SHC4: variants seen among roughly 807,000 people sequenced by gnomAD.
SHC4 encodes the protein SHC adaptor protein 4, also known as SHC-transforming protein 4.
In SHC4, 41 loss-of-function variants were observed where a neutral mutation model predicts 69.4. The observed-to-expected ratio is 0.59, with a 90% CI of 0.46 to 0.77. The LOEUF (loss-of-function observed/expected upper bound fraction) is 0.77, where lower values mean the gene tolerates loss of function less well. SHC4 is among the 30% of genes least tolerant of loss of function. The pLI is 0.00. For missense variants in SHC4, 777 were observed against 783.8 expected (o/e 0.99, Z 0.10); for synonymous variants, 318 against 299.3 (o/e 1.06, Z -0.64).
At chr15:48,938,919 G>A (rs932900877) in intron 1 of SHC4, among the ~76,000 whole-genome samples, 7 of 152,182 alleles carry the variant, frequency 4.6e-5, no homozygotes, top group African/African-American at 1.4e-4. Context: ...TACACGTACT[G>A]GCTGTGAAAC....
intron 1 of SHC4, among the ~76,000 whole-genome samples, chr15:48,949,337 C>A (rs1176283511): frequency 6.7e-6 from 1 of 150,370 alleles, no homozygotes; most frequent in Non-Finnish European, 1.5e-5. Context: ...TGCCACTGCA[C>A]TCCAGCCTGG....
chr15:48,876,601 C>A (rs1328492909), intron 4 of SHC4: 2 of 698,156 alleles, frequency 2.9e-6, no homozygotes, highest in Non-Finnish European at 5.2e-6. Context: ...AGAGGAGAGC[C>A]AGTCCGAGTT....
At chr15:48,892,121 T>A (rs1343678871) in intron 2 of SHC4, among the ~76,000 whole-genome samples, 3 of 152,076 alleles carry the variant, frequency 2.0e-5, no homozygotes, top group Admixed American at 6.5e-5. Context: ...TCCTAAAGTG[T>A]TGGGACTACA....
intron 2 of SHC4, among the ~76,000 whole-genome samples, chr15:48,907,125 A>G (rs1350584740): frequency 6.6e-6 from 1 of 152,162 alleles, no homozygotes; most frequent in Non-Finnish European, 1.5e-5. Context: ...TAATCAGAAA[A>G]GGAATGCAAA....
intron 1 of SHC4, chr15:48,938,217 G>A (rs1447855681): frequency 6.6e-6 from 1 of 152,182 alleles, no homozygotes; most frequent in Non-Finnish European, 1.5e-5. Flanking sequence ...AATAGCAATT[G>A]ACTACTCTCT....
intron 11 of SHC4, among the ~76,000 whole-genome samples, chr15:48,832,433 A>G (rs1261030500): frequency 1.3e-5 from 2 of 152,238 alleles, no homozygotes. Flanking sequence ...TCTCTGGCAC[A>G]TAATGAGTCT....
At chr15:48,923,427 G>T (rs1217431269) in intron 2 of SHC4, among the ~76,000 whole-genome samples, 1 of 151,672 alleles carries the variant, frequency 6.6e-6, no homozygotes, top group Middle Eastern at 3.4e-3. Context: ...GCGGGCACCT[G>T]TAGTCCCGGC....
At chr15:48,857,981 C>A (rs1402737833) in intron 6 of SHC4, among the ~76,000 whole-genome samples, 166 bp from the exon 7 acceptor site, 1 of 152,172 alleles carries the variant, frequency 6.6e-6, no homozygotes, top group South Asian at 2.1e-4. Context: ...TCACATTTCA[C>A]ATGAATCAAA....
At chr15:48,948,892 C>T (rs936075290) in intron 1 of SHC4, among the ~76,000 whole-genome samples, 2 of 152,096 alleles carry the variant, frequency 1.3e-5, no homozygotes, top group Non-Finnish European at 1.5e-5. Flanking sequence ...GGTGACAGAG[C>T]GAGACCTTGT....
chr15:48,942,589 G>C (rs952205525), intron 1 of SHC4, among the ~76,000 whole-genome samples: 4 of 151,856 alleles, frequency 2.6e-5, no homozygotes, highest in African/African-American at 9.7e-5. Flanking sequence ...TTAATTATTG[G>C]TTATTATTAT....
intron 11 of SHC4, among the ~76,000 whole-genome samples, chr15:48,832,636 T>C (rs762595813): frequency 3.3e-5 from 5 of 152,118 alleles, no homozygotes; most frequent in African/African-American, 4.8e-5. Flanking sequence ...TCCCTCTTCT[T>C]CTTCTCCTTC....
intron 3 of SHC4, among the ~76,000 whole-genome samples, chr15:48,888,059 T>C (rs1027407498): frequency 1.3e-5 from 2 of 152,092 alleles, no homozygotes; most frequent in African/African-American, 4.8e-5. Flanking sequence ...AGTATGGCAG[T>C]TCCTAAAAAA....
intron 1 of SHC4, among the ~76,000 whole-genome samples, chr15:48,935,160 G>A (rs1199340458): frequency 6.6e-6 from 1 of 152,212 alleles, no homozygotes; most frequent in Non-Finnish European, 1.5e-5. Context: ...GGCAGTGTGT[G>A]ATCCTTGATA....
chr15:48,865,883 A>G (rs961644793), intron 6 of SHC4, among the ~76,000 whole-genome samples: 5 of 152,202 alleles, frequency 3.3e-5, no homozygotes, highest in Non-Finnish European at 5.9e-5. Context: ...AATGTGCTGC[A>G]TCATAATTTT....
intron 4 of SHC4, among the ~76,000 whole-genome samples, chr15:48,875,744 A>G (rs943376975): frequency 6.6e-6 from 1 of 152,198 alleles, no homozygotes; most frequent in South Asian, 2.1e-4. Context: ...GCATGGGTGG[A>G]GCAGCTGCCA....
chr15:48,856,080 T>C lies in SHC4; in HGVS notation c.1115A>G (p.His372Arg), dbSNP rs769346680. 1.2e-6 allele frequency: 2 copies of C among 1,613,756 alleles called. No individual in the cohort carries two copies. The highest frequency in any genetic ancestry group is 2.2e-5 in the East Asian group (1 of 44,888). The change falls in exon 8 of 12, where the codon CAT becomes CGT. Residue 372 changes from histidine to arginine, a missense_variant. Coordinates refer to ENST00000332408, the MANE Select transcript of SHC4 (RefSeq NM_203349.4). Reference sequence around the variant, plus strand: ...CCCTGGAATTTCATTGTAATATTCATGATCTTCTCTCTCCTCGGCATGGCT... The same window carrying C: ...CCCTGGAATTTCATTGTAATATTCACGATCTTCTCTCTCCTCGGCATGGCT... The part of the protein sequence containing the change: ...IDSHAEERED[H>R]EYYNEIPGKQ...
chr15:48,854,545 T>C (rs929692520), intron 8 of SHC4, among the ~76,000 whole-genome samples: 2 of 152,168 alleles, frequency 1.3e-5, no homozygotes, highest in African/African-American at 2.4e-5. Context: ...CTATTCACAA[T>C]AGCAAAGACA....
At chr15:48,926,572 C>T (rs1900858487) in intron 1 of SHC4, among the ~76,000 whole-genome samples, 1 of 152,064 alleles carries the variant, frequency 6.6e-6, no homozygotes. Context: ...AAGCAATTCT[C>T]CTGCCTCAGC....
chr15:48,855,865 C>G, intron 8 of SHC4, 88 bp downstream of exon 8: 1 of 1,374,394 alleles, frequency 7.3e-7, no homozygotes, highest in Non-Finnish European at 9.9e-7. Flanking sequence ...TTTCTCTAAA[C>G]TAGCATTTGG....
Sources: allele counts gnomAD v4.1 joint callset (sites outside exome capture counted in the v4.1 genomes callset), GRCh38; gene constraint gnomAD v4.1.1; transcripts MANE v1.5; gene names NCBI Gene and HGNC (gene_info 2026-07-23, HGNC 2026-07-21).